The following CCDC191 variants were observed in gnomAD, a reference collection of about 807,000 sequenced individuals.
The protein encoded by CCDC191 is coiled-coil domain containing 191.
In CCDC191, 99 loss-of-function variants were observed where a neutral mutation model predicts 114.0. That is an observed-to-expected ratio of 0.87 (90% CI 0.74 to 1.03). The LOEUF is 1.03. CCDC191 is among the 50% of genes least tolerant of loss of function. CCDC191 has a pLI of 0.00. For missense variants in CCDC191, 973 were observed against 1,087.0 expected, an observed-to-expected ratio of 0.90 and a Z score of 1.47; for synonymous variants, 351 against 376.0, an observed-to-expected ratio of 0.93 and a Z score of 0.77.
chr3:113,978,746 CTT>C (rs1324984763), intron 15 of CCDC191, 110 bp downstream of exon 15: 3 of 1,178,790 alleles, frequency 2.5e-6, no homozygotes, highest in Non-Finnish European at 2.4e-6. Flanking sequence ...ATTGACTACT[CTT>C]TTGTTCTTGA....
chr3:114,051,453 C>G (rs2076697125), intron 2 of CCDC191, among the ~76,000 whole-genome samples: 1 of 152,176 alleles, frequency 6.6e-6, no homozygotes, highest in Admixed American at 6.6e-5. Flanking sequence ...ATGGGCCAGG[C>G]ATGGTGGCTC....
At chr3:114,009,650 A>G (rs1427974495) in intron 9 of CCDC191, among the ~76,000 whole-genome samples, 2 of 152,186 alleles carry the variant, frequency 1.3e-5, no homozygotes, top group Non-Finnish European at 2.9e-5. Context: ...TGTATATTCA[A>G]TATAAAAATG....
Position 114,018,722 on chromosome 3 carries a change from C to A in CCDC191, c.1119G>T (p.Glu373Asp), listed in dbSNP as rs1162618094. ...WRDYTRFQKL[E>D]RETQALENDL... ...CATTTTCCAAGGCTTGAGTCTCCCG[C>A]TCCAACTTCTGGAATCTTGTGTAGT... is the stretch of plus-strand genomic sequence containing the variant. Residue 373 changes from glutamate to aspartate, a missense_variant, in exon 8 of 17, where the codon GAG (glutamate) becomes GAT (aspartate). Transcript: ENST00000295878. The A allele has an allele frequency of 6.2e-7, 1 of 1,613,158 alleles. No individual in the cohort carries two copies. The highest frequency in any genetic ancestry group is 2.2e-5 in the East Asian group (1 of 44,858).
intron 6 of CCDC191, 75 bp from the exon 7 acceptor site, chr3:114,031,854 A>G (rs2076410203): frequency 1.5e-6 from 1 of 681,290 alleles, no homozygotes; most frequent in African/African-American, 1.8e-5. Context: ...CTACTGTAGC[A>G]GAATAATCAC....
Position 114,039,924 on chromosome 3 carries a change from C to G in CCDC191, c.415+2779G>C, listed in dbSNP as rs995502872. On this transcript the variant is annotated intron_variant, in intron 4 of 16. Transcript: ENST00000295878. Reference sequence around the variant, plus strand: ...TATGTTTTTATAAATTCAGTGTACCCTAAGTATACAGTGTTTTAAGTCTAC... The same window carrying G: ...TATGTTTTTATAAATTCAGTGTACCGTAAGTATACAGTGTTTTAAGTCTAC... Among the ~76,000 whole-genome samples, 34 of 152,150 alleles carry G rather than the reference C, an allele frequency of 2.2e-4. 1 individual carries two copies. The highest frequency in any genetic ancestry group is 1.9e-4 in the East Asian group (1 of 5,180).
chr3:114,004,299 C>T (rs1181402988), intron 11 of CCDC191: 6 of 998,528 alleles, frequency 6.0e-6, no homozygotes, highest in Non-Finnish European at 7.1e-6. Flanking sequence ...AGTGTTTGTC[C>T]TTGGCAGTTA....
chr3:114,032,438 T>C (rs939474614), intron 6 of CCDC191, among the ~76,000 whole-genome samples: 2 of 152,162 alleles, frequency 1.3e-5, no homozygotes, highest in Non-Finnish European at 2.9e-5. Flanking sequence ...TCAAACAAGC[T>C]CATAGCTATG....
chr3:114,025,168 A>C (rs1365160088), intron 7 of CCDC191, among the ~76,000 whole-genome samples: 2 of 152,010 alleles, frequency 1.3e-5, no homozygotes, highest in Non-Finnish European at 2.9e-5. Context: ...CCGGCTATAG[A>C]CAAAAAAACT....
intron 12 of CCDC191, among the ~76,000 whole-genome samples, chr3:114,002,183 C>T (rs1463932342): frequency 1.3e-5 from 2 of 152,178 alleles, no homozygotes; most frequent in Non-Finnish European, 2.9e-5. Context: ...ACCTATAATA[C>T]ACTAATCTTG....
intron 2 of CCDC191, among the ~76,000 whole-genome samples, chr3:114,049,764 C>A (rs959719791): frequency 6.6e-6 from 1 of 152,280 alleles, no homozygotes; most frequent in South Asian, 2.1e-4. Context: ...AAGGACTATA[C>A]ATAATCTCTA....
At position 113,965,186 on chromosome 3, in the gene CCDC191, G is replaced by C. The variant is rs780801592; in HGVS notation, c.2780C>G (p.Ser927Cys). The change falls in exon 17 of 17, where the codon TCC becomes TGC. Residue 927 changes from serine (S) to cysteine (C), a missense_variant. By Grantham distance (112) the Ser-to-Cys change is moderately radical (BLOSUM62 -1). Coordinates refer to ENST00000295878, the MANE Select transcript of CCDC191 (RefSeq NM_020817.2). ...HELYQQSDTWSLSKTSLVNE is the reference protein window; with the variant it reads ...HELYQQSDTWCLSKTSLVNE ...GTTCACCAGACTTGTCTTACTCAAG[G>C]ACCAAGTATCTGATTGCTGATATAG... 3.1e-6 allele frequency: 5 copies of C among 1,607,102 alleles called. No individual in the cohort carries two copies. The South Asian group carries it at 4.5e-5, about 14-fold the overall frequency.
intron 2 of CCDC191, among the ~76,000 whole-genome samples, chr3:114,049,808 AT>A (rs973647084): frequency 6.6e-6 from 1 of 152,058 alleles, no homozygotes; most frequent in Non-Finnish European, 1.5e-5. Context: ...CATCCTTAAT[AT>A]TTTTTTTCAA....
rs2075897919 is a variant in CCDC191, at chr3:114,003,836, A to C, written c.1978+801T>G. 4 of 985,482 alleles carry C rather than the reference A, an allele frequency of 4.1e-6. No individual in the cohort carries two copies. The South Asian group carries it at 1.4e-4, about 35-fold the overall frequency. The allele number at this position is 985,482 out of a possible 1,614,324, so 61.0% of individuals were successfully genotyped here. A position where few individuals can be genotyped will look rare whatever the true frequency, so the allele number is the denominator to read the frequency against. Reference sequence around the variant, plus strand: ...TCACAGGTAAAAAATCAAATTTACAAACCACAATATAATTGTCAAAGTGCC... The same window carrying C: ...TCACAGGTAAAAAATCAAATTTACACACCACAATATAATTGTCAAAGTGCC... On this transcript the variant is annotated intron_variant, in intron 11 of 16. Coordinates refer to ENST00000295878, the MANE Select transcript of CCDC191 (RefSeq NM_020817.2).
At position 114,034,934 on chromosome 3, in the gene CCDC191, G is replaced by T. The variant is rs2107733475; in HGVS notation, c.809C>A (p.Ala270Glu). ...TATCACACTGGCTTACATTTTCCAT[G>T]CTGCTTTCACAGTGCGTCTCCTCTC... ...IIERRRTVKA[A>E]WKIEKKRQEE... Residue 270 changes from alanine to glutamate, a missense_variant, in exon 6 of 17, where the codon GCA becomes GAA. Physicochemically the swap from Ala to Glu is moderately radical, Grantham distance 107 (BLOSUM62 -1). Transcript: ENST00000295878. 6.2e-7 allele frequency: 1 copy of T among 1,613,650 alleles called. No individual in the cohort carries two copies.
In CCDC191 at chr3:114,035,135, C is replaced by T. The variant is rs754949284; in HGVS notation, c.608G>A (p.Arg203His). Residue 203 changes from arginine to histidine, a missense_variant, in exon 6 of 17, where the codon CGC becomes CAC. Transcript: ENST00000295878. The part of the protein sequence containing the change: ...EMRHKQVKEN[R>H]LRREKELEYQ... ...CTCCAGTTCTTTCTCACGTCTTAAG[C>T]GATTTTCTTTTACCTTAAAGCAAAT... 1.9e-6 allele frequency: 3 copies of T among 1,612,452 alleles called. No individual in the cohort carries two copies. Among genetic ancestry groups the T allele is most frequent in the Non-Finnish European group, 1.7e-6 (2 of 1,179,428 alleles).
intron 16 of CCDC191, among the ~76,000 whole-genome samples, chr3:113,975,111 T>A (rs1263818516): frequency 6.6e-6 from 1 of 152,068 alleles, no homozygotes; most frequent in Non-Finnish European, 1.5e-5. Flanking sequence ...TGTAGGTCTG[T>A]GACTTTCATT....
chr3:114,024,592 T>C (rs904484736), intron 7 of CCDC191, among the ~76,000 whole-genome samples: 2 of 151,568 alleles, frequency 1.3e-5, no homozygotes, highest in African/African-American at 4.9e-5. Context: ...CAGCAAACTA[T>C]CGCAAGGACA....
chr3:114,008,742 A>G (rs1290104436), intron 9 of CCDC191, among the ~76,000 whole-genome samples: 2 of 152,188 alleles, frequency 1.3e-5, no homozygotes, highest in Admixed American at 1.3e-4. Context: ...TATAAATAAG[A>G]AAAAGATATC....
At chr3:114,044,377 T>C (rs1057504407) in intron 3 of CCDC191, among the ~76,000 whole-genome samples, 8 of 152,226 alleles carry the variant, frequency 5.3e-5, no homozygotes, top group Non-Finnish European at 8.8e-5. Context: ...CCTGAAATTA[T>C]TTAGGTATGG....
Sources: allele counts gnomAD v4.1 joint callset (sites outside exome capture counted in the v4.1 genomes callset), GRCh38; gene constraint gnomAD v4.1.1; transcripts MANE v1.5; gene names NCBI Gene and HGNC (gene_info 2026-07-23, HGNC 2026-07-21).